Variants in NLGN1 observed in about 807,000 individuals in gnomAD.
NLGN1 encodes the protein neuroligin 1.
NLGN1 carries 12 observed loss-of-function variants against 65.5 expected under a neutral mutation model. That is an observed-to-expected ratio of 0.18 (90% confidence interval 0.12 to 0.30). NLGN1 has a LOEUF of 0.30. Among genes scored for constraint, NLGN1 ranks in the 10% least tolerant of loss-of-function variants. The probability of loss-of-function intolerance (pLI) is 1.00; values close to 1 mark genes in which losing one functional copy is unlikely to be tolerated. For synonymous variants in NLGN1, 350 were observed against 359.5 expected (o/e 0.97, Z 0.30); for missense variants, 750 against 1,007.1 (o/e 0.74, Z 3.46).
At chr3:174,265,542 ACACGGTGCGCG>A (rs1747907569) in intron 4 of NLGN1, among the ~76,000 whole-genome samples, 2 of 151,250 alleles carry the variant, frequency 1.3e-5, no homozygotes, top group Admixed American at 1.3e-4. Context: ...TTCGGCTCGC[ACACGGTGCGCG>A]CACCCACTGA....
rs548047182 is a variant in NLGN1 at position 173,759,852 on chromosome 3, A to G, written c.494-47828A>G. Reference sequence around the variant, plus strand: ...TTATTTTTATTTTTAAATTATTTCTATTGTTATTTATCTCCCAAATTGTCC... The same window carrying G: ...TTATTTTTATTTTTAAATTATTTCTGTTGTTATTTATCTCCCAAATTGTCC... On this transcript the variant is annotated intron_variant, in intron 3 of 6. Transcript: ENST00000457714. 6.3e-4 allele frequency among the ~76,000 whole-genome samples: 95 copies of G among 151,888 alleles called. 1 individual carries two copies. The highest frequency in any genetic ancestry group is 2.2e-3 in the Admixed American group (34 of 15,200).
chr3:173,696,451 A>C (rs939119367), intron 3 of NLGN1, among the ~76,000 whole-genome samples: 2 of 152,146 alleles, frequency 1.3e-5, no homozygotes, highest in Non-Finnish European at 2.9e-5. Context: ...CTAAACCTTG[A>C]AAAGGGACTA....
At chr3:174,067,603 TCTC>T (rs1419308090) in intron 4 of NLGN1, among the ~76,000 whole-genome samples, 2 of 152,224 alleles carry the variant, frequency 1.3e-5, no homozygotes, top group African/African-American at 4.8e-5. Flanking sequence ...TGTCCTCAGG[TCTC>T]CTCTACTCTG....
At chr3:174,122,610 G>A (rs541225490) in intron 4 of NLGN1, among the ~76,000 whole-genome samples, 3 of 152,144 alleles carry the variant, frequency 2.0e-5, no homozygotes, top group Non-Finnish European at 4.4e-5. Context: ...TGCAGTTGAC[G>A]CAGCCTCATG....
chr3:173,616,703 A>G (rs1753155034), intron 3 of NLGN1, among the ~76,000 whole-genome samples: 1 of 152,068 alleles, frequency 6.6e-6, no homozygotes, highest in Non-Finnish European at 1.5e-5. Flanking sequence ...CATTTCTCGC[A>G]TCCTGATCGA....
intron 2 of NLGN1, among the ~76,000 whole-genome samples, chr3:173,511,692 G>A (rs975046330): frequency 6.6e-6 from 1 of 151,682 alleles, no homozygotes; most frequent in Non-Finnish European, 1.5e-5. Context: ...TGCTTTTCAG[G>A]TTTGGAAGTT....
At position 173,618,938 on chromosome 3, in the gene NLGN1, T is replaced by G. The variant is rs916816932; in HGVS notation, c.493+13847T>G. ...TGTTGGATTTCTGGCAGGGCTGGCT[T>G]CATGGGCTGGTAGTCTGTGCAGTCC... On this transcript the variant is annotated intron_variant, in intron 3 of 6. Coordinates refer to ENST00000457714, the Ensembl canonical transcript of NLGN1. Among the ~76,000 whole-genome samples, 4 of 152,238 alleles carry G rather than the reference T, an allele frequency of 2.6e-5. No homozygotes were observed. In the East Asian group the frequency reaches 7.7e-4, roughly 29 times the overall value.
At chr3:174,108,474 C>T (rs902271587) in intron 4 of NLGN1, among the ~76,000 whole-genome samples, 3 of 151,776 alleles carry the variant, frequency 2.0e-5, no homozygotes, top group Admixed American at 1.3e-4. Context: ...ACAGCACACT[C>T]GCCATTGTTA....
chr3:173,568,869 C>T (rs539664195), intron 2 of NLGN1, among the ~76,000 whole-genome samples: 7 of 152,088 alleles, frequency 4.6e-5, no homozygotes, highest in South Asian at 2.1e-4. Context: ...TTAGTAGAGA[C>T]GGGGTTTCAC....
chr3:173,652,091 G>T (rs545574333), intron 3 of NLGN1, among the ~76,000 whole-genome samples: 1 of 152,212 alleles, frequency 6.6e-6, no homozygotes, highest in East Asian at 1.9e-4. Flanking sequence ...ACCATGCCCG[G>T]CCCCTTTGCC....
At chr3:173,813,884 A>G (rs1044797674) in intron 4 of NLGN1, among the ~76,000 whole-genome samples, 2 of 152,248 alleles carry the variant, frequency 1.3e-5, no homozygotes, top group Non-Finnish European at 1.5e-5. Flanking sequence ...TATTTCTTCT[A>G]TTTGAAACGT....
intron 4 of NLGN1, among the ~76,000 whole-genome samples, chr3:174,240,007 A>G (rs1169158581): frequency 6.6e-6 from 1 of 152,232 alleles, no homozygotes; most frequent in African/African-American, 2.4e-5. Flanking sequence ...GACACTCTTT[A>G]TAGAATGTAT....
chr3:173,928,542 T>A (rs1743443412), intron 4 of NLGN1, among the ~76,000 whole-genome samples: 1 of 152,210 alleles, frequency 6.6e-6, no homozygotes, highest in South Asian at 2.1e-4. Flanking sequence ...TTGAATTGAA[T>A]TAAATCTCAC....
chr3:174,273,637 A>G (rs1021542403), intron 4 of NLGN1, among the ~76,000 whole-genome samples: 7 of 151,796 alleles, frequency 4.6e-5, no homozygotes, highest in Non-Finnish European at 8.9e-5. Context: ...GAGAATGGGT[A>G]TGACCAGAAA....
chr3:174,200,249 A>G (rs1053836904), intron 4 of NLGN1, among the ~76,000 whole-genome samples: 1 of 152,234 alleles, frequency 6.6e-6, no homozygotes, highest in Non-Finnish European at 1.5e-5. Flanking sequence ...ACTGCTGTAA[A>G]GTTCCTAGCA....
intron 4 of NLGN1, among the ~76,000 whole-genome samples, chr3:173,933,067 A>G (rs1744399153): frequency 6.6e-6 from 1 of 152,182 alleles, no homozygotes; most frequent in Non-Finnish European, 1.5e-5. Context: ...CAGGCAACAG[A>G]AAAGCTCAGA....
At chr3:174,269,983 CTATT>C (rs982633244) in intron 4 of NLGN1, among the ~76,000 whole-genome samples, 6 of 151,822 alleles carry the variant, frequency 4.0e-5, no homozygotes, top group African/African-American at 1.2e-4. Flanking sequence ...GAAGAAATAT[CTATT>C]TAAGTGCTTT....
At chr3:173,902,822 A>G (rs1017776899) in intron 4 of NLGN1, among the ~76,000 whole-genome samples, 4 of 152,142 alleles carry the variant, frequency 2.6e-5, no homozygotes, top group African/African-American at 9.6e-5. Flanking sequence ...AGGAGCATTC[A>G]TTTAGCAAAA....
At chr3:173,474,939 C>A (rs1347219578) in intron 2 of NLGN1, among the ~76,000 whole-genome samples, 2 of 151,638 alleles carry the variant, frequency 1.3e-5, no homozygotes, top group Non-Finnish European at 2.9e-5. Context: ...GCCTGGGCAA[C>A]AGAGTGAGAC....
Sources: gnomAD v4.1 joint callset for allele counts (sites outside exome capture counted in the v4.1 genomes callset) on GRCh38, gnomAD v4.1.1 for gene constraint, MANE v1.5 for transcripts, NCBI Gene and HGNC (gene_info 2026-07-23, HGNC 2026-07-21) for gene names.